STAG1: variants seen among roughly 807,000 people sequenced by gnomAD.
STAG1 encodes the protein STAG1 cohesin complex component.
STAG1 carries 26 observed loss-of-function variants against 170.9 expected under a neutral mutation model. The ratio of observed to expected loss-of-function variants is 0.15; its 90% CI spans 0.11 to 0.21. The LOEUF (loss-of-function observed/expected upper bound fraction) is 0.21. Ranked by LOEUF, STAG1 falls within the 10% of genes least tolerant of loss-of-function variation. The pLI is 1.00. For synonymous variants in STAG1, 514 were observed against 497.7 expected, an observed-to-expected ratio of 1.03 and a Z score of -0.44; for missense variants, 964 against 1,509.5, an observed-to-expected ratio of 0.64 and a Z score of 5.99.
At chr3:136,375,629 GAC>G in intron 23 of STAG1, among the ~76,000 whole-genome samples, 1 of 152,118 alleles carries the variant, frequency 6.6e-6, no homozygotes. Context: ...CATAGTTTTG[GAC>G]ATCACCAAGC....
chr3:136,740,630 C>T (rs1465883218), intron 1 of STAG1, among the ~76,000 whole-genome samples: 3 of 152,140 alleles, frequency 2.0e-5, no homozygotes, highest in Non-Finnish European at 4.4e-5. Flanking sequence ...CAGGTGCGCA[C>T]TACCACACCT....
rs2107799090 is a variant in STAG1, at chr3:136,464,912, C to A, written c.1282G>T (p.Ala428Ser). Residue 428 changes from alanine (A) to serine (S), a missense_variant, in exon 13 of 34, where the codon GCT becomes TCT. Physicochemically the swap from Ala to Ser is moderately conservative, Grantham distance 99. This residue lies in a region of STAG1 where 162 missense variants were observed against 211.2 expected (regional missense o/e 0.77). Coordinates refer to ENST00000383202, the MANE Select transcript of STAG1 (RefSeq NM_005862.3). The stretch of plus-strand genomic sequence containing the variant: ...TGAAGGAACTCTCCAGCTGCCACAG[C>A]AACAGGGCGATGTGCCGAGTACACC... ...HLVYSAHRPV[A>S]VAAGEFLHKK... 6.2e-7 allele frequency: 1 copy of A among 1,612,496 alleles called. No individual in the cohort carries two copies. Among genetic ancestry groups the A allele is most frequent in the Non-Finnish European group, 8.5e-7 (1 of 1,179,368 alleles).
At chr3:136,572,563 C>T (rs1277637523) in intron 4 of STAG1, among the ~76,000 whole-genome samples, 2 of 133,262 alleles carry the variant, frequency 1.5e-5, no homozygotes, top group Non-Finnish European at 3.1e-5. Context: ...GTGAGCGTGC[C>T]ACTGCACTGC....
chr3:136,387,442 CT>C (rs1249651766), intron 22 of STAG1, among the ~76,000 whole-genome samples: 1 of 152,142 alleles, frequency 6.6e-6, no homozygotes, highest in African/African-American at 2.4e-5. Flanking sequence ...CATTAAATTA[CT>C]TTTCACCTGA....
At chr3:136,449,771 C>G (rs2088883761) in intron 14 of STAG1, among the ~76,000 whole-genome samples, 1 of 152,038 alleles carries the variant, frequency 6.6e-6, no homozygotes, top group East Asian at 1.9e-4. Flanking sequence ...AATTGAAAAG[C>G]CCTTGAGCTT....
intron 1 of STAG1, among the ~76,000 whole-genome samples, chr3:136,732,258 A>C (rs1559978745): frequency 1.3e-5 from 2 of 151,588 alleles, no homozygotes; most frequent in Non-Finnish European, 2.9e-5. Context: ...AAAAAAAAAA[A>C]ACACCTTAGT....
chr3:136,736,857 G>C, intron 1 of STAG1: 1 of 1,581,848 alleles, frequency 6.3e-7, no homozygotes, highest in South Asian at 1.1e-5. Context: ...TCACAGTGTG[G>C]TCAACGTATT....
chr3:136,439,313 C>G (rs1473916479), intron 15 of STAG1, among the ~76,000 whole-genome samples: 1 of 150,092 alleles, frequency 6.7e-6, no homozygotes, highest in Non-Finnish European at 1.5e-5. Flanking sequence ...GGTGGCAGAG[C>G]TGTTGACAAG....
chr3:136,575,107 T>C (rs374166029), intron 4 of STAG1, among the ~76,000 whole-genome samples: 2 of 152,334 alleles, frequency 1.3e-5, no homozygotes, highest in East Asian at 3.9e-4. Flanking sequence ...TGAATCCACC[T>C]ACAGTAGTGT....
chr3:136,676,152 T>C (rs1942123309), intron 1 of STAG1, among the ~76,000 whole-genome samples: 1 of 152,202 alleles, frequency 6.6e-6, no homozygotes, highest in Non-Finnish European at 1.5e-5. Flanking sequence ...GGCACATCTA[T>C]ATGGGGCACT....
At chr3:136,484,858 C>G (rs1196862166) in intron 9 of STAG1, among the ~76,000 whole-genome samples, 1 of 151,782 alleles carries the variant, frequency 6.6e-6, no homozygotes, top group African/African-American at 2.4e-5. Context: ...CGTCTGTCAC[C>G]CCTTTCTTTG....
chr3:136,354,473 T>C (rs1180227277), intron 28 of STAG1, among the ~76,000 whole-genome samples: 2 of 151,962 alleles, frequency 1.3e-5, no homozygotes, highest in African/African-American at 4.8e-5. Flanking sequence ...GGCTAATTTT[T>C]GTATTGTTAT....
chr3:136,471,419 G>T (rs1261146475), intron 12 of STAG1, among the ~76,000 whole-genome samples: 2 of 151,696 alleles, frequency 1.3e-5, no homozygotes, highest in Non-Finnish European at 2.9e-5. Flanking sequence ...ACACAAGAAG[G>T]TAACTAGATT....
intron 6 of STAG1, among the ~76,000 whole-genome samples, chr3:136,530,406 A>T (rs1323323255): frequency 6.6e-6 from 1 of 152,200 alleles, no homozygotes; most frequent in African/African-American, 2.4e-5. Flanking sequence ...ACAACTGCAG[A>T]ATACACATTA....
intron 3 of STAG1, among the ~76,000 whole-genome samples, chr3:136,614,508 G>GA (rs1221015793): frequency 6.6e-6 from 1 of 152,150 alleles, no homozygotes; most frequent in East Asian, 1.9e-4. Context: ...AGTAAGTAAT[G>GA]AATTTCATGG....
intron 22 of STAG1, among the ~76,000 whole-genome samples, chr3:136,383,954 C>CAAAAAAAAAA (rs71304276): frequency 1.7e-5 from 1 of 58,990 alleles, no homozygotes. Context: ...GACTCCGTCT[C>CAAAAAAAAAA]AAAAAAAAAA....
rs867941787 is a variant in STAG1 at position 136,523,472 on chromosome 3, T to C, written c.472-2055A>G. Among the ~76,000 whole-genome samples the C allele has an allele frequency of 1.1e-4, 17 of 152,228 alleles. 1 individual carries two copies. Among genetic ancestry groups the C allele is most frequent in the Middle Eastern group, 3.2e-3 (1 of 316 alleles). On this transcript the variant is annotated intron_variant, in intron 6 of 33. Coordinates refer to ENST00000383202, the MANE Select transcript of STAG1 (RefSeq NM_005862.3). ...TTGTAGATTCTGGATATTAGCCTTTTGTCAGATGAGTAGATTGCAAAAATC... is the reference window on the plus strand; with the variant it reads ...TTGTAGATTCTGGATATTAGCCTTTCGTCAGATGAGTAGATTGCAAAAATC...
chr3:136,349,587 GGT>G (rs1936357570), intron 28 of STAG1, among the ~76,000 whole-genome samples: 1 of 151,924 alleles, frequency 6.6e-6, no homozygotes, highest in Non-Finnish European at 1.5e-5. Context: ...ATTACCTAAG[GGT>G]GTGTATGTAT....
chr3:136,470,684 CAT>C (rs769830866), intron 12 of STAG1, among the ~76,000 whole-genome samples: 15 of 152,154 alleles, frequency 9.9e-5, no homozygotes, highest in Non-Finnish European at 2.1e-4. Context: ...CACATGCATA[CAT>C]ATGTTTATTG....
Sources: allele counts gnomAD v4.1 joint callset (sites outside exome capture counted in the v4.1 genomes callset), GRCh38; gene constraint gnomAD v4.1.1; regional missense constraint gnomAD v4.1.1; transcripts MANE v1.5; gene names NCBI Gene and HGNC (gene_info 2026-07-23, HGNC 2026-07-21).